The following CBLN2 variants were observed in gnomAD, a reference collection of about 807,000 sequenced individuals.
CBLN2 encodes cerebellin-2.
CBLN2 carries 7 observed loss-of-function variants against 15.0 expected under a neutral mutation model. That is an observed-to-expected ratio of 0.47 (90% CI 0.27 to 0.88). CBLN2 has a LOEUF of 0.88. Ranked by LOEUF, CBLN2 falls within the 40% of genes least tolerant of loss-of-function variation. The pLI is 0.14. For missense variants in CBLN2, 242 were observed against 304.5 expected (o/e 0.79, Z 1.53); for synonymous variants, 149 against 135.2 (o/e 1.10, Z -0.71).
Position 72,542,392 on chromosome 18 carries a change from G to C in CBLN2, c.-166-66C>G, listed in dbSNP as rs368195047. ...GAGCCACCGGGAAGAAGGGGGACTG[G>C]GAGCAGGTGCCTGCGGCTCGGGGGT... is the stretch of plus-strand genomic sequence containing the variant. On this transcript the variant is annotated intron_variant, in intron 2 of 4. Coordinates refer to ENST00000269503, the MANE Select transcript of CBLN2 (RefSeq NM_182511.4). The C allele has an allele frequency of 3.2e-5, 8 of 246,544 alleles. No homozygotes were observed. In the East Asian group the frequency reaches 5.2e-4, roughly 16 times the overall value. 15.3% of individuals were successfully genotyped at this position (246,544 alleles called of 1,614,324 possible).
chr18:72,551,600 T>G (rs182348051), intron 1 of CBLN2, among the ~76,000 whole-genome samples: 1 of 152,282 alleles, frequency 6.6e-6, no homozygotes, highest in Admixed American at 6.5e-5. Context: ...TATGTCTGCA[T>G]GGAGCTGGAC....
At chr18:72,586,719 T>A (rs2069445910) in intron 1 of CBLN2, among the ~76,000 whole-genome samples, 1 of 152,126 alleles carries the variant, frequency 6.6e-6, no homozygotes, top group Middle Eastern at 3.2e-3. Context: ...GAAATCTAGC[T>A]GAAAAGAGAA....
intron 1 of CBLN2, among the ~76,000 whole-genome samples, chr18:72,635,659 TAG>T (rs1430744331): frequency 6.6e-6 from 1 of 152,158 alleles, no homozygotes; most frequent in African/African-American, 2.4e-5. Flanking sequence ...GTAAAATATT[TAG>T]AGAGTTTGAA....
At chr18:72,634,004 A>G (rs1361769706) in intron 1 of CBLN2, among the ~76,000 whole-genome samples, 2 of 152,028 alleles carry the variant, frequency 1.3e-5, no homozygotes, top group African/African-American at 4.8e-5. Context: ...TTTTAGAGAA[A>G]TTTTCTTTTA....
chr18:72,615,234 T>A (rs986310647), intron 1 of CBLN2, among the ~76,000 whole-genome samples: 3 of 135,260 alleles, frequency 2.2e-5, no homozygotes, highest in African/African-American at 8.0e-5. Context: ...ACATATATAT[T>A]ATATATATAA....
At position 72,543,395 on chromosome 18, in the gene CBLN2, C is replaced by G. The variant is rs1276039461; in HGVS notation, c.-167+91G>C. The G allele has an allele frequency of 2.5e-6, 1 of 397,936 alleles. No homozygotes were observed. Among genetic ancestry groups the G allele is most frequent in the Non-Finnish European group, 4.4e-6 (1 of 225,682 alleles). The allele number at this position is 397,936 out of a possible 1,614,324, so 24.7% of individuals were successfully genotyped here. A position where few individuals can be genotyped will look rare whatever the true frequency, so the allele number is the denominator to read the frequency against. On this transcript the variant is annotated intron_variant, in intron 2 of 4. Transcript: ENST00000269503. The surrounding 1 kb of genome is among the most constrained non-coding windows in gnomAD (Gnocchi z 6.8). Reference sequence around the variant, plus strand: ...TTCCCTTCTCTCTCTCCACCTCCTCCACCCCTCGATCTGGACCAGGGAGAG... The same window carrying G: ...TTCCCTTCTCTCTCTCCACCTCCTCGACCCCTCGATCTGGACCAGGGAGAG...
chr18:72,553,605 A>T (rs940459237), intron 1 of CBLN2, among the ~76,000 whole-genome samples: 36 of 152,166 alleles, frequency 2.4e-4, no homozygotes, highest in Non-Finnish European at 7.3e-5. Context: ...AGAAAATATA[A>T]TTTTAGTGAT....
At chr18:72,555,563 A>C (rs2069221358) in intron 1 of CBLN2, among the ~76,000 whole-genome samples, 1 of 152,166 alleles carries the variant, frequency 6.6e-6, no homozygotes, top group African/African-American at 2.4e-5. Flanking sequence ...ATACAATCTT[A>C]ATTTATGAAT....
intron 1 of CBLN2, among the ~76,000 whole-genome samples, chr18:72,604,611 A>C (rs538288246): frequency 6.6e-6 from 1 of 152,340 alleles, no homozygotes; most frequent in Admixed American, 6.5e-5. Context: ...TGATTGAATC[A>C]TGAGAGCTCT....
chr18:72,618,039 G>T (rs958728206), intron 1 of CBLN2, among the ~76,000 whole-genome samples: 2 of 152,114 alleles, frequency 1.3e-5, no homozygotes, highest in African/African-American at 4.8e-5. Context: ...AGGTTTGATA[G>T]GTTTATTTAT....
intron 1 of CBLN2, among the ~76,000 whole-genome samples, chr18:72,582,832 T>C (rs2069414936): frequency 6.6e-6 from 1 of 152,178 alleles, no homozygotes; most frequent in Admixed American, 6.5e-5. Context: ...CAAACAGTCC[T>C]TAAGGAAATA....
At chr18:72,548,862 C>G (rs569440888), upstream of CBLN2, among the ~76,000 whole-genome samples, 1 of 152,038 alleles carries the variant, frequency 6.6e-6, no homozygotes, top group East Asian at 1.9e-4. Context: ...GATTCACATA[C>G]GAGAAAAAGG....
At chr18:72,594,220 G>A (rs1427938495) in intron 1 of CBLN2, among the ~76,000 whole-genome samples, 2 of 152,068 alleles carry the variant, frequency 1.3e-5, no homozygotes, top group African/African-American at 4.8e-5. Context: ...ACCATAGCAT[G>A]TGTATACCTA....
In CBLN2 at chr18:72,615,056, T is replaced by TAA. The variant is rs542280403; in HGVS notation, c.15+23267_15+23268dup. ...AAGTACATATATATATATATATATA[T>TAA]AAATATATATATTTATATATTATAG... is the stretch of plus-strand genomic sequence containing the variant. On this transcript the variant is annotated intron_variant, in intron 1 of 2. Coordinates refer to the CBLN2 transcript ENST00000581073. Among the ~76,000 whole-genome samples the TAA allele has an allele frequency of 2.9e-3, 398 of 137,752 alleles. 5 individuals are homozygous for TAA. Among genetic ancestry groups the TAA allele is most frequent in the African/African-American group, 0.01 (383 of 37,190 alleles). The allele number at this position is 137,752 out of a possible 152,430, so 90.4% of individuals were successfully genotyped here.
At chr18:72,563,227 GATT>G (rs1382319581) in intron 1 of CBLN2, among the ~76,000 whole-genome samples, 7 of 152,216 alleles carry the variant, frequency 4.6e-5, no homozygotes, top group African/African-American at 1.7e-4. Flanking sequence ...AATAAACTCA[GATT>G]ATGTTTTTAC....
intron 1 of CBLN2, among the ~76,000 whole-genome samples, chr18:72,580,285 T>C (rs184744122): frequency 6.6e-6 from 1 of 152,288 alleles, no homozygotes; most frequent in East Asian, 1.9e-4. Flanking sequence ...TGTCAACTCT[T>C]TTTATTATAA....
chr18:72,546,668 A>T (rs1306092512), upstream of CBLN2, among the ~76,000 whole-genome samples: 1 of 152,180 alleles, frequency 6.6e-6, no homozygotes, highest in Non-Finnish European at 1.5e-5. Flanking sequence ...TTTATGGAAC[A>T]CCTGTGGTGT....
rs537772773 is a variant in CBLN2 at position 72,627,048 on chromosome 18, G to T, written c.15+11277C>A. Reference sequence around the variant, plus strand: ...TTTGTGAGACATCCATATTGTGTCAGGCAGTTGGAGTTGATTTATTTTTAC... The same window carrying T: ...TTTGTGAGACATCCATATTGTGTCATGCAGTTGGAGTTGATTTATTTTTAC... On this transcript the variant is annotated intron_variant, in intron 1 of 2. Coordinates refer to the CBLN2 transcript ENST00000581073. Among the ~76,000 whole-genome samples the T allele has an allele frequency of 3.5e-4, 53 of 152,266 alleles. No homozygotes were observed. In the South Asian group the frequency reaches 0.01, roughly 30 times the overall value.
At chr18:72,629,549 T>C (rs1385891033) in intron 1 of CBLN2, among the ~76,000 whole-genome samples, 1 of 152,106 alleles carries the variant, frequency 6.6e-6, no homozygotes, top group Non-Finnish European at 1.5e-5. Flanking sequence ...TATGAAAACA[T>C]TTCAGAGATG....
Sources: allele counts gnomAD v4.1 joint callset (sites outside exome capture counted in the v4.1 genomes callset), GRCh38; gene constraint gnomAD v4.1.1; non-coding constraint Gnocchi (gnomAD v3.1); transcripts MANE v1.5; gene names NCBI Gene and HGNC (gene_info 2026-07-23, HGNC 2026-07-21).